The following BARX2 variants were observed in gnomAD, a reference collection of about 807,000 sequenced individuals.
The protein encoded by BARX2 is homeobox protein BarH-like 2.
In BARX2, 11 loss-of-function variants were observed where a neutral mutation model predicts 25.5. That is an observed-to-expected ratio of 0.43 (90% CI 0.27 to 0.71). The LOEUF (loss-of-function observed/expected upper bound fraction) is 0.71, where lower values mean the gene tolerates loss of function less well. Ranked by LOEUF, BARX2 falls within the 30% of genes least tolerant of loss-of-function variation. The probability of loss-of-function intolerance (pLI) is 0.19; values close to 1 mark genes in which losing one functional copy is unlikely to be tolerated. For synonymous variants in BARX2, 137 were observed against 149.5 expected (o/e 0.92, Z 0.61); for missense variants, 360 against 359.9 (o/e 1.00, Z 0.00).
intron 3 of BARX2, among the ~76,000 whole-genome samples, chr11:129,446,942 AC>A (rs888340353): frequency 6.6e-6 from 1 of 152,160 alleles, no homozygotes; most frequent in South Asian, 2.1e-4. Context: ...AACAAAGATC[AC>A]CCCCACTAAT....
At chr11:129,427,039 A>G (rs1234568743) in intron 1 of BARX2, among the ~76,000 whole-genome samples, 1 of 152,220 alleles carries the variant, frequency 6.6e-6, no homozygotes, top group Non-Finnish European at 1.5e-5. Flanking sequence ...TGATAAGAAG[A>G]TACGTATGCA....
intron 1 of BARX2, among the ~76,000 whole-genome samples, chr11:129,401,241 G>A (rs1007138009): frequency 3.3e-5 from 5 of 152,168 alleles, no homozygotes; most frequent in Admixed American, 3.3e-4. Context: ...GCTAAGGTAG[G>A]AAAGAGAGAA....
chr11:129,389,580 T>C (rs555323403), intron 1 of BARX2, among the ~76,000 whole-genome samples: 1 of 152,246 alleles, frequency 6.6e-6, no homozygotes, highest in Non-Finnish European at 1.5e-5. Flanking sequence ...AACAAGAGTT[T>C]CCTAGGATTC....
intron 1 of BARX2, among the ~76,000 whole-genome samples, chr11:129,381,767 A>C (rs985875349): frequency 6.6e-6 from 1 of 152,228 alleles, no homozygotes; most frequent in African/African-American, 2.4e-5. Flanking sequence ...ATTGCAAAGG[A>C]TTATTTTATT....
At chr11:129,434,392 C>G (rs547504400) in intron 1 of BARX2, among the ~76,000 whole-genome samples, 15 of 112,982 alleles carry the variant, frequency 1.3e-4, no homozygotes, top group African/African-American at 4.1e-4. Flanking sequence ...GAGACCCTGT[C>G]TCTACTTTAA....
chr11:129,423,817 C>T (rs761149858), intron 1 of BARX2, among the ~76,000 whole-genome samples: 23 of 151,950 alleles, frequency 1.5e-4, no homozygotes, highest in Admixed American at 1.2e-3. Flanking sequence ...AAGATGTACT[C>T]CAAGGTCCAG....
chr11:129,417,084 G>T (rs1035604850), intron 1 of BARX2, among the ~76,000 whole-genome samples: 1 of 151,888 alleles, frequency 6.6e-6, no homozygotes, highest in Admixed American at 6.6e-5. Context: ...TATATTTTTA[G>T]TAGAGATGGG....
chr11:129,437,189 C>A (rs1862201841), intron 2 of BARX2, 138 bp downstream of exon 2: 1 of 1,016,356 alleles, frequency 9.8e-7, no homozygotes, highest in South Asian at 2.8e-5. Flanking sequence ...TGGCTCAAAT[C>A]ATCTCAACCT....
At chr11:129,383,558 A>T (rs1278539193) in intron 1 of BARX2, among the ~76,000 whole-genome samples, 1 of 152,206 alleles carries the variant, frequency 6.6e-6, no homozygotes, top group East Asian at 1.9e-4. Context: ...GTTCAAGTAC[A>T]TCTGAAAAGG....
At chr11:129,407,591 TG>T (rs1252764567) in intron 1 of BARX2, among the ~76,000 whole-genome samples, 6 of 152,190 alleles carry the variant, frequency 3.9e-5, no homozygotes, top group African/African-American at 1.4e-4. Flanking sequence ...TGAAATCAGA[TG>T]TTTTTCATAT....
At chr11:129,422,365 C>T (rs562664012) in intron 1 of BARX2, among the ~76,000 whole-genome samples, 7 of 149,618 alleles carry the variant, frequency 4.7e-5, no homozygotes, top group African/African-American at 1.5e-4. Flanking sequence ...ATGGTGCAAT[C>T]GTAGCTCACT....
intron 1 of BARX2, among the ~76,000 whole-genome samples, chr11:129,405,285 A>G (rs1261879215): frequency 6.6e-6 from 1 of 152,170 alleles, no homozygotes; most frequent in African/African-American, 2.4e-5. Context: ...ATTTTCTAGA[A>G]GGGGTGATGA....
chr11:129,406,866 T>G (rs1861835701), intron 1 of BARX2, among the ~76,000 whole-genome samples: 1 of 152,224 alleles, frequency 6.6e-6, no homozygotes, highest in African/African-American at 2.4e-5. Context: ...GAACTGGTTT[T>G]ATAGGAATAT....
intron 2 of BARX2, 126 bp downstream of exon 2, chr11:129,437,177 C>A: frequency 9.1e-7 from 1 of 1,099,512 alleles, no homozygotes; most frequent in Non-Finnish European, 1.2e-6. Context: ...GAGTCCACTC[C>A]TTGGCTCAAA....
chr11:129,377,068 G>A (rs1861511927), intron 1 of BARX2, among the ~76,000 whole-genome samples: 1 of 152,070 alleles, frequency 6.6e-6, no homozygotes, highest in Non-Finnish European at 1.5e-5. Context: ...ATGGAACATG[G>A]GTATAATAAA....
intron 1 of BARX2, among the ~76,000 whole-genome samples, chr11:129,400,160 C>T (rs61911194): frequency 0.035 from 5,326 of 152,276 alleles, 110 homozygotes; most frequent in Non-Finnish European, 0.044. Context: ...TGAAAACATT[C>T]GTTGAGTGCT....
rs1389451433 is a variant in BARX2 at position 129,450,630 on chromosome 11, A to G, written c.574-506A>G. ...TTGTGATGAATATTTTTGCAGATCA[A>G]TCTTTGTCTCAGTCTTAGATAATTT... On this transcript the variant is annotated intron_variant, in intron 3 of 3. Transcript: ENST00000281437. 2.0e-5 allele frequency among the ~76,000 whole-genome samples: 3 copies of G among 152,134 alleles called. No individual in the cohort carries two copies. In the South Asian group the frequency reaches 6.2e-4, roughly 31 times the overall value.
Position 129,402,801 on chromosome 11 carries a change from A to G in BARX2, c.187+26579A>G, listed in dbSNP as rs146578933. 6.8e-3 allele frequency among the ~76,000 whole-genome samples: 1,032 copies of G among 152,340 alleles called. 15 individuals are homozygous for G. The highest frequency in any genetic ancestry group is 0.024 in the African/African-American group (991 of 41,590). On this transcript the variant is annotated intron_variant, in intron 1 of 3. Transcript: ENST00000281437. ...CAACTGCTACTTGAATGCCTAAGCT[A>G]TGGAAGATGCCATTGTAGACACAGA...
chr11:129,375,271 AG>A (rs1861487778), upstream of BARX2, among the ~76,000 whole-genome samples: 1 of 152,180 alleles, frequency 6.6e-6, no homozygotes, highest in South Asian at 2.1e-4. The surrounding 1 kb of genome is among the most constrained non-coding windows in gnomAD (Gnocchi z 4.0). Context: ...GGGCTTGGGA[AG>A]CCGCGGTCTT....
Sources: allele counts gnomAD v4.1 joint callset (sites outside exome capture counted in the v4.1 genomes callset), GRCh38; gene constraint gnomAD v4.1.1; non-coding constraint Gnocchi (gnomAD v3.1); transcripts MANE v1.5; gene names NCBI Gene and HGNC (gene_info 2026-07-23, HGNC 2026-07-21).